The following SYNE2 variants were observed in gnomAD, a reference collection of about 807,000 sequenced individuals.
The protein encoded by SYNE2 is spectrin repeat containing nuclear envelope protein 2, also known as nesprin-2.
In SYNE2, 431 loss-of-function variants were observed where a neutral mutation model predicts 856.3. The ratio of observed to expected loss-of-function variants is 0.50; its 90% CI spans 0.47 to 0.55. SYNE2 has a LOEUF of 0.55. SYNE2 is among the 20% of genes least tolerant of loss of function. The pLI, the probability that SYNE2 is intolerant of heterozygous loss-of-function variation, is 0.00. For missense variants in SYNE2, 8,129 were observed against 8,023.2 expected (o/e 1.01, Z -0.50); for synonymous variants, 2,923 against 2,872.3 (o/e 1.02, Z -0.56).
chr14:64,195,981 T>C (rs1171789884), intron 99 of SYNE2, among the ~76,000 whole-genome samples: 1 of 152,108 alleles, frequency 6.6e-6, no homozygotes, highest in Non-Finnish European at 1.5e-5. Context: ...AATGCCTTCC[T>C]GAGGGTTGGG....
intron 1 of SYNE2, among the ~76,000 whole-genome samples, chr14:63,762,405 AGCC>A: frequency 1.3e-5 from 2 of 148,406 alleles, no homozygotes; most frequent in Admixed American, 1.4e-4. Context: ...ATTGCACTCC[AGCC>A]TGGGCAACAG....
chr14:64,161,926 G>A, intron 87 of SYNE2, 146 bp from the exon 88 acceptor site: 1 of 814,450 alleles, frequency 1.2e-6, no homozygotes, highest in Non-Finnish European at 2.0e-6. Flanking sequence ...TTCTATAATG[G>A]TGATGCCACT....
At chr14:63,813,888 C>G (rs543321559) in intron 1 of SYNE2, among the ~76,000 whole-genome samples, 1 of 152,220 alleles carries the variant, frequency 6.6e-6, no homozygotes, top group African/African-American at 2.4e-5. Flanking sequence ...CACGCCTCTA[C>G]TAAAAATACA....
rs1191833135 is a variant in SYNE2 at position 64,015,045 on chromosome 14, G to GTA, written c.4729-1419_4729-1418dup. 5.9e-5 allele frequency among the ~76,000 whole-genome samples: 7 copies of GTA among 118,892 alleles called. No individual in the cohort carries two copies. In the East Asian group the frequency reaches 7.1e-4, roughly 12 times the overall value. 78.0% of individuals were successfully genotyped at this position (118,892 alleles called of 152,430 possible). On this transcript the variant is annotated intron_variant, in intron 32 of 115. Coordinates refer to ENST00000555002, the MANE Select transcript of SYNE2 (RefSeq NM_182914.3). ...TGTATATAAATATATATGTATATAT[G>GTA]TATATATATAAATATATATGTGTAT...
intron 1 of SYNE2, among the ~76,000 whole-genome samples, chr14:63,773,041 G>A (rs970023675): frequency 5.9e-5 from 9 of 152,092 alleles, no homozygotes; most frequent in African/African-American, 2.2e-4. Context: ...GCCTCCGAAA[G>A]TGCTGGGATT....
intron 78 of SYNE2, among the ~76,000 whole-genome samples, chr14:64,135,466 CTAAGG>C (rs1372200687): frequency 2.1e-5 from 3 of 145,604 alleles, no homozygotes; most frequent in African/African-American, 7.5e-5. Flanking sequence ...GAGCCTAACT[CTAAGG>C]TAAATCTGAG....
At chr14:64,111,892 C>T (rs1475703865) in intron 65 of SYNE2, among the ~76,000 whole-genome samples, 1 of 152,068 alleles carries the variant, frequency 6.6e-6, no homozygotes, top group Non-Finnish European at 1.5e-5. Context: ...AAAAGCACAA[C>T]ACAAGGAAAA....
intron 6 of SYNE2, among the ~76,000 whole-genome samples, chr14:63,948,128 C>T (rs993419826): frequency 4.0e-5 from 6 of 148,470 alleles, no homozygotes; most frequent in African/African-American, 1.0e-4. Context: ...AGTTTTCACA[C>T]GTGTGCGTGC....
chr14:64,040,572 C>A (rs181177067), intron 45 of SYNE2, among the ~76,000 whole-genome samples: 7 of 147,744 alleles, frequency 4.7e-5, no homozygotes, highest in Admixed American at 2.0e-4. Flanking sequence ...AGAGACATAT[C>A]CCCTACTGTA....
At chr14:64,088,605 C>A (rs2097581751) in intron 58 of SYNE2, among the ~76,000 whole-genome samples, 1 of 152,124 alleles carries the variant, frequency 6.6e-6, no homozygotes. Context: ...ACCCCCTTCT[C>A]CACAAAAAGG....
At chr14:63,973,551 G>A (rs2096497571) in intron 11 of SYNE2, among the ~76,000 whole-genome samples, 1 of 143,682 alleles carries the variant, frequency 7.0e-6, no homozygotes. Flanking sequence ...AGAATTGCTT[G>A]AACCTGGGAG....
chr14:63,786,795 G>A (rs999871051), intron 1 of SYNE2, among the ~76,000 whole-genome samples: 6 of 151,964 alleles, frequency 3.9e-5, no homozygotes, highest in African/African-American at 4.8e-5. Context: ...ACAGGGTCTC[G>A]CTCTGTTACC....
chr14:63,990,655 C>T, intron 20 of SYNE2, 86 bp downstream of exon 20: 1 of 1,180,624 alleles, frequency 8.5e-7, no homozygotes, highest in Non-Finnish European at 1.3e-6. Flanking sequence ...GGTGATAGCC[C>T]TGTAGCTTGG....
intron 11 of SYNE2, among the ~76,000 whole-genome samples, chr14:63,973,449 T>C (rs1216468545): frequency 6.6e-6 from 1 of 151,690 alleles, no homozygotes; most frequent in African/African-American, 2.4e-5. Flanking sequence ...CTGGTCAACA[T>C]GGTGAAACCT....
intron 45 of SYNE2, among the ~76,000 whole-genome samples, chr14:64,039,212 A>G (rs575605622): frequency 6.6e-6 from 1 of 152,332 alleles, no homozygotes; most frequent in African/African-American, 2.4e-5. Flanking sequence ...AGCTGGTATG[A>G]CACTCTGCCC....
intron 1 of SYNE2, among the ~76,000 whole-genome samples, chr14:63,898,935 T>A (rs1006195030): frequency 6.6e-6 from 1 of 152,222 alleles, no homozygotes; most frequent in Non-Finnish European, 1.5e-5. Context: ...ATTCACATTG[T>A]TGTGTAACCA....
At chr14:64,217,874 G>A (rs2098674196) in intron 108 of SYNE2, among the ~76,000 whole-genome samples, 1 of 152,220 alleles carries the variant, frequency 6.6e-6, no homozygotes, top group African/African-American at 2.4e-5. Flanking sequence ...TCGGCTGTGT[G>A]ATAACAGAAG....
At chr14:64,122,189 A>G in intron 69 of SYNE2, 56 bp downstream of exon 69, 1 of 1,614,078 alleles carries the variant, frequency 6.2e-7, no homozygotes, top group Non-Finnish European at 8.5e-7. Context: ...TGGGAGAATT[A>G]AGAGTGTTTC....
intron 45 of SYNE2, among the ~76,000 whole-genome samples, chr14:64,039,906 G>T (rs1045070344): frequency 2.6e-5 from 4 of 152,164 alleles, no homozygotes; most frequent in African/African-American, 9.6e-5. Flanking sequence ...TTGGGGAAAA[G>T]TAGACCAGGA....
Sources: allele counts gnomAD v4.1 joint callset (sites outside exome capture counted in the v4.1 genomes callset), GRCh38; gene constraint gnomAD v4.1.1; transcripts MANE v1.5; gene names NCBI Gene and HGNC (gene_info 2026-07-23, HGNC 2026-07-21).